SGCG: variants seen among roughly 807,000 people sequenced by gnomAD.
SGCG encodes gamma-sarcoglycan.
In SGCG, 26 loss-of-function variants were observed where a neutral mutation model predicts 29.3. The observed-to-expected ratio is 0.89, with a 90% CI of 0.65 to 1.23. The LOEUF (loss-of-function observed/expected upper bound fraction) is 1.23. Ranked by LOEUF, SGCG falls within the 50% of genes most tolerant of loss-of-function variation. The probability of loss-of-function intolerance (pLI) is 0.00; values close to 1 mark genes in which losing one functional copy is unlikely to be tolerated. For missense variants in SGCG, 353 were observed against 356.0 expected (o/e 0.99, Z 0.07); for synonymous variants, 145 against 129.7 (o/e 1.12, Z -0.80).
At chr13:23,168,034 G>A in the SGCG span, among the ~76,000 whole-genome samples, 4 of 152,058 alleles carry the variant, frequency 2.6e-5, no homozygotes, top group East Asian at 1.9e-4. Context: ...ACTGCGCCTC[G>A]CTCCCTTGCC....
intron 7 of SGCG, among the ~76,000 whole-genome samples, chr13:23,322,485 C>G (rs568807355): frequency 3.9e-5 from 6 of 152,286 alleles, no homozygotes; most frequent in African/African-American, 1.2e-4. Context: ...CCAGGCGCTC[C>G]GATGTCCTTC....
In SGCG at chr13:23,230,867, A is replaced by G. The variant is rs142105304; in HGVS notation, c.196-3744A>G. ...AGGGCCTCCTTCCTTGTCTTGTGCC[A>G]GTTTTCAAGGGGACTGCTTCCAGCT... On this transcript the variant is annotated intron_variant, in intron 2 of 7. Coordinates refer to ENST00000218867, the MANE Select transcript of SGCG (RefSeq NM_000231.3). Among the ~76,000 whole-genome samples, 1,459 of 152,270 alleles carry G rather than the reference A, an allele frequency of 9.6e-3. 87 individuals carry two copies. The highest frequency in any genetic ancestry group is 0.088 in the Admixed American group (1,348 of 15,288).
chr13:23,221,524 T>C (rs1878656192), intron 2 of SGCG, among the ~76,000 whole-genome samples: 1 of 152,230 alleles, frequency 6.6e-6, no homozygotes, highest in African/African-American at 2.4e-5. Context: ...CATTCAGTCA[T>C]TGAACACAGT....
intron 5 of SGCG, among the ~76,000 whole-genome samples, chr13:23,280,170 A>G (rs1014292997): frequency 2.0e-5 from 3 of 152,224 alleles, no homozygotes; most frequent in Admixed American, 6.5e-5. Flanking sequence ...TACAAAAAAA[A>G]GTTCTCTTTT....
chr13:23,313,070 G>A (rs1365897904), intron 6 of SGCG, among the ~76,000 whole-genome samples: 3 of 151,860 alleles, frequency 2.0e-5, no homozygotes, highest in Non-Finnish European at 4.4e-5. Context: ...CATGCTTCCT[G>A]GTCTCTCATC....
chr13:23,169,451 C>A, the SGCG span, among the ~76,000 whole-genome samples: 16 of 151,454 alleles, frequency 1.1e-4, no homozygotes, highest in Non-Finnish European at 1.9e-4. Context: ...GAGGCCGAGG[C>A]GGGTGGATCA....
chr13:23,242,239 T>C (rs1397121207), intron 3 of SGCG, among the ~76,000 whole-genome samples: 2 of 152,180 alleles, frequency 1.3e-5, no homozygotes, highest in Non-Finnish European at 2.9e-5. Context: ...GTTTCTGCCA[T>C]TCCCATATTA....
chr13:23,258,335 T>G (rs1199220849), intron 4 of SGCG, among the ~76,000 whole-genome samples: 1 of 152,222 alleles, frequency 6.6e-6, no homozygotes, highest in Non-Finnish European at 1.5e-5. Context: ...CACTCATGAT[T>G]TGGCTCTCTG....
the SGCG span, among the ~76,000 whole-genome samples, chr13:23,160,685 T>C: frequency 1.3e-5 from 2 of 152,112 alleles, no homozygotes; most frequent in African/African-American, 4.8e-5. Flanking sequence ...TCGCCTTCAG[T>C]TCCCCCAATT....
chr13:23,162,050 G>A, the SGCG span, among the ~76,000 whole-genome samples: 2 of 152,116 alleles, frequency 1.3e-5, no homozygotes, highest in Non-Finnish European at 2.9e-5. Context: ...CTACATAACA[G>A]ACTATAAAAT....
the SGCG span, among the ~76,000 whole-genome samples, chr13:23,163,164 G>C: frequency 6.6e-6 from 1 of 152,034 alleles, no homozygotes; most frequent in African/African-American, 2.4e-5. Flanking sequence ...TTCTATACAG[G>C]GATCCCTGGT....
At chr13:23,242,130 G>C (rs1338193980) in intron 3 of SGCG, among the ~76,000 whole-genome samples, 1 of 152,076 alleles carries the variant, frequency 6.6e-6, no homozygotes, top group Non-Finnish European at 1.5e-5. Flanking sequence ...AGAATGGTAA[G>C]GAAATATTAC....
intron 1 of SGCG, among the ~76,000 whole-genome samples, chr13:23,186,546 A>G (rs1289656364): frequency 6.6e-6 from 1 of 152,134 alleles, no homozygotes; most frequent in East Asian, 1.9e-4. Context: ...GACCACTTCT[A>G]CGCTCACCAT....
intron 1 of SGCG, among the ~76,000 whole-genome samples, chr13:23,196,618 T>TA (rs1258182508): frequency 2.2e-5 from 2 of 89,478 alleles, no homozygotes; most frequent in African/African-American, 8.5e-5. Context: ...TTTTATTGGA[T>TA]TTTTTTCTGT....
At chr13:23,173,008 A>C in the SGCG span, among the ~76,000 whole-genome samples, 4 of 152,384 alleles carry the variant, frequency 2.6e-5, no homozygotes, top group South Asian at 8.3e-4. Flanking sequence ...GAAAAATCAT[A>C]TCTCTATTTA....
intron 5 of SGCG, among the ~76,000 whole-genome samples, chr13:23,280,876 A>G (rs1272103852): frequency 6.6e-6 from 1 of 152,214 alleles, no homozygotes; most frequent in African/African-American, 2.4e-5. Context: ...CTTCAAACCC[A>G]AGCCCTCCTA....
intron 1 of SGCG, among the ~76,000 whole-genome samples, chr13:23,196,831 C>T (rs1877531765): frequency 6.6e-6 from 1 of 152,076 alleles, no homozygotes; most frequent in African/African-American, 2.4e-5. Context: ...AGGCAGAAAA[C>T]ACACTGAGAA....
intron 2 of SGCG, among the ~76,000 whole-genome samples, chr13:23,218,831 T>G (rs1195566178): frequency 6.6e-6 from 1 of 151,454 alleles, no homozygotes; most frequent in Admixed American, 6.6e-5. Flanking sequence ...CATTTGAGTA[T>G]AGGAAAAACT....
chr13:23,266,527 A>G (rs1880647943), intron 4 of SGCG, among the ~76,000 whole-genome samples: 2 of 152,192 alleles, frequency 1.3e-5, no homozygotes, highest in South Asian at 4.1e-4. Context: ...TGGTAAAATG[A>G]GCGTTGGAGG....
Sources: allele counts gnomAD v4.1 joint callset (sites outside exome capture counted in the v4.1 genomes callset), GRCh38; gene constraint gnomAD v4.1.1; transcripts MANE v1.5; gene names NCBI Gene and HGNC (gene_info 2026-07-23, HGNC 2026-07-21).